The following RPRD2 variants were observed in gnomAD, a reference collection of about 807,000 sequenced individuals.
RPRD2 encodes regulation of nuclear pre-mRNA domain-containing protein 2.
RPRD2 carries 12 observed loss-of-function variants against 104.4 expected under a neutral mutation model. The ratio of observed to expected loss-of-function variants is 0.11; its 90% CI spans 0.07 to 0.19. The LOEUF (loss-of-function observed/expected upper bound fraction) is 0.19, where lower values mean the gene tolerates loss of function less well. RPRD2 is among the 10% of genes least tolerant of loss of function. The pLI is 1.00. For missense variants in RPRD2, 1,543 were observed against 1,790.1 expected, an observed-to-expected ratio of 0.86 and a Z score of 2.49; for synonymous variants, 714 against 684.9, an observed-to-expected ratio of 1.04 and a Z score of -0.66.
At chr1:150,384,668 TGTGTGTGTGTGTG>T (rs1661426157) in intron 1 of RPRD2, among the ~76,000 whole-genome samples, 1 of 147,534 alleles carries the variant, frequency 6.8e-6, no homozygotes, top group Non-Finnish European at 1.5e-5. Flanking sequence ...TGTGTGTGTG[TGTGTGTGTGTGTG>T]TTTTTAGTAG....
At chr1:150,378,339 A>G (rs1448224508) in intron 1 of RPRD2, among the ~76,000 whole-genome samples, 3 of 152,198 alleles carry the variant, frequency 2.0e-5, no homozygotes, top group African/African-American at 4.8e-5. Context: ...TTGAGGGCTC[A>G]GTGAGGTTAA....
At chr1:150,438,479 A>T (rs1182992982) in intron 2 of RPRD2, among the ~76,000 whole-genome samples, 1 of 151,752 alleles carries the variant, frequency 6.6e-6, no homozygotes, top group African/African-American at 2.4e-5. Context: ...AAAATACAAA[A>T]TTAGCTGGGC....
At chr1:150,379,883 C>T (rs1661001197) in intron 1 of RPRD2, among the ~76,000 whole-genome samples, 1 of 152,194 alleles carries the variant, frequency 6.6e-6, no homozygotes, top group Non-Finnish European at 1.5e-5. Context: ...CCCACAAAAA[C>T]ATAACTCTTT....
chr1:150,455,819 CTATT>C (rs1313904047), intron 7 of RPRD2, among the ~76,000 whole-genome samples: 1 of 151,856 alleles, frequency 6.6e-6, no homozygotes, highest in Non-Finnish European at 1.5e-5. Context: ...TTACAACAAA[CTATT>C]TTTGTTTTGA....
In RPRD2 at chr1:150,422,940, T is replaced by C. The variant is rs587609287; in HGVS notation, c.335+5215T>C. Among the ~76,000 whole-genome samples the C allele has an allele frequency of 1.2e-4, 19 of 152,326 alleles. 1 individual carries two copies. The highest frequency in any genetic ancestry group is 5.9e-4 in the Admixed American group (9 of 15,304). ...GGGAAACTATTTTCTCCAGTACTTA[T>C]CCAGTTATTTCAGTTCTTTTTATTA... On this transcript the variant is annotated intron_variant, in intron 2 of 10. Coordinates refer to ENST00000369068, the MANE Select transcript of RPRD2 (RefSeq NM_015203.5).
chr1:150,371,519 C>T (rs1324265576), intron 1 of RPRD2, among the ~76,000 whole-genome samples: 1 of 152,172 alleles, frequency 6.6e-6, no homozygotes, highest in Non-Finnish European at 1.5e-5. Flanking sequence ...TACAGGCACC[C>T]ACCACCAGGC....
chr1:150,442,238 A>C (rs1450364259), intron 4 of RPRD2, among the ~76,000 whole-genome samples: 2 of 152,158 alleles, frequency 1.3e-5, no homozygotes, highest in Non-Finnish European at 2.9e-5. Context: ...AGAAGAAAAA[A>C]ATACTTGATA....
At chr1:150,379,095 A>G (rs1660932350) in intron 1 of RPRD2, among the ~76,000 whole-genome samples, 1 of 151,040 alleles carries the variant, frequency 6.6e-6, no homozygotes, top group African/African-American at 2.4e-5. Context: ...AGCCTGGCCA[A>G]CATGGCGAAA....
At chr1:150,431,330 C>A (rs1665553900) in intron 2 of RPRD2, among the ~76,000 whole-genome samples, 1 of 152,044 alleles carries the variant, frequency 6.6e-6, no homozygotes, top group Non-Finnish European at 1.5e-5. Context: ...GAGACTTAAA[C>A]AGATATTTGT....
chr1:150,436,011 A>G (rs1483416742), intron 2 of RPRD2, among the ~76,000 whole-genome samples: 4 of 152,146 alleles, frequency 2.6e-5, no homozygotes, highest in African/African-American at 7.2e-5. Context: ...AAATTATGCT[A>G]AATCTATTCT....
intron 1 of RPRD2, among the ~76,000 whole-genome samples, chr1:150,403,500 A>G (rs1663221244): frequency 6.6e-6 from 1 of 152,158 alleles, no homozygotes; most frequent in South Asian, 2.1e-4. Flanking sequence ...CGTCATGGTA[A>G]TGGAATCATA....
chr1:150,418,042 G>A (rs111499238), intron 2 of RPRD2, among the ~76,000 whole-genome samples: 4 of 151,080 alleles, frequency 2.6e-5, no homozygotes, highest in African/African-American at 4.9e-5. Flanking sequence ...ATCTCGGCTC[G>A]CTGCAGCCTC....
intron 2 of RPRD2, among the ~76,000 whole-genome samples, chr1:150,425,936 C>T (rs1553890474): frequency 6.6e-6 from 1 of 151,674 alleles, no homozygotes; most frequent in South Asian, 2.1e-4. Flanking sequence ...CATAGGGAGA[C>T]CTCATCTCTA....
intron 7 of RPRD2, among the ~76,000 whole-genome samples, chr1:150,451,970 G>A (rs371459233): frequency 1.1e-4 from 16 of 151,472 alleles, no homozygotes; most frequent in East Asian, 3.9e-4. Flanking sequence ...GTGAAACCCC[G>A]TCTATACTAA....
intron 2 of RPRD2, among the ~76,000 whole-genome samples, chr1:150,436,924 G>A (rs1666042430): frequency 6.6e-6 from 1 of 150,844 alleles, no homozygotes; most frequent in South Asian, 2.1e-4. Context: ...AAAAAATACA[G>A]GCTGGGCACG....
chr1:150,440,953 A>T lies in RPRD2; in HGVS notation c.366A>T (p.Arg122=). 1.3e-6 allele frequency: 2 copies of T among 1,578,678 alleles called. No individual in the cohort carries two copies. The highest frequency in any genetic ancestry group is 2.3e-5 in the South Asian group (2 of 85,444). ...CATCTGTCTCTAAGTCTGTAGAACG[A>T]ATCTTTAAAATCTGGGAAGATAGAA... ...KDPSVSKSVE[R]IFKIWEDRNV... Residue 122 remains arginine, a synonymous_variant, in exon 3 of 11, where the codon CGA becomes CGT. Coordinates refer to ENST00000369068, the MANE Select transcript of RPRD2 (RefSeq NM_015203.5).
intron 1 of RPRD2, among the ~76,000 whole-genome samples, chr1:150,414,535 C>G (rs1409411947): frequency 3.3e-5 from 5 of 152,054 alleles, no homozygotes; most frequent in Non-Finnish European, 7.4e-5. Flanking sequence ...GACTGGCTAC[C>G]TATACATGAT....
intron 10 of RPRD2, among the ~76,000 whole-genome samples, chr1:150,467,252 C>T (rs1219557192): frequency 1.3e-5 from 2 of 152,240 alleles, no homozygotes; most frequent in Admixed American, 6.5e-5. Flanking sequence ...TAATAATCCA[C>T]AGCCCCTATC....
chr1:150,420,527 G>T (rs1442527848), intron 2 of RPRD2, among the ~76,000 whole-genome samples: 1 of 152,092 alleles, frequency 6.6e-6, no homozygotes, highest in African/African-American at 2.4e-5. Flanking sequence ...ATTTAGAAAT[G>T]AATGAATGAA....
Sources: allele counts gnomAD v4.1 joint callset (sites outside exome capture counted in the v4.1 genomes callset), GRCh38; gene constraint gnomAD v4.1.1; transcripts MANE v1.5; gene names NCBI Gene and HGNC (gene_info 2026-07-23, HGNC 2026-07-21).